BEST3: variants seen among roughly 807,000 people sequenced by gnomAD.
BEST3 encodes the protein bestrophin 3.
BEST3 carries 50 observed loss-of-function variants against 47.1 expected under a neutral mutation model. The ratio of observed to expected loss-of-function variants is 1.06; its 90% CI spans 0.85 to 1.34. The LOEUF (loss-of-function observed/expected upper bound fraction) is 1.34. Among genes scored for constraint, BEST3 ranks in the 40% most tolerant of loss-of-function variants. The pLI, the probability that BEST3 is intolerant of heterozygous loss-of-function variation, is 0.00. For synonymous variants in BEST3, 282 were observed against 298.8 expected (o/e 0.94, Z 0.58); for missense variants, 765 against 817.0 (o/e 0.94, Z 0.78).
At chr12:69,657,158 T>C (rs757506005) in intron 9 of BEST3, among the ~76,000 whole-genome samples, 7 of 151,324 alleles carry the variant, frequency 4.6e-5, no homozygotes, top group Non-Finnish European at 1.0e-4. Context: ...TGTAGTGGTG[T>C]GATCTCGGCT....
chr12:69,650,016 T>A (rs1421834138), downstream of BEST3, among the ~76,000 whole-genome samples: 1 of 152,236 alleles, frequency 6.6e-6, no homozygotes, highest in Non-Finnish European at 1.5e-5. Flanking sequence ...TTGAGTCCAC[T>A]TTCTGAATTA....
intron 7 of BEST3, among the ~76,000 whole-genome samples, chr12:69,676,696 G>A (rs994277870): frequency 4.6e-5 from 7 of 152,180 alleles, no homozygotes; most frequent in Admixed American, 1.3e-4. Flanking sequence ...ATAGCCATAA[G>A]AGTGTTCTTC....
chr12:69,671,632 G>T, intron 8 of BEST3, 53 bp from the exon 9 acceptor site: 1 of 1,581,978 alleles, frequency 6.3e-7, no homozygotes, highest in Non-Finnish European at 8.7e-7. Flanking sequence ...TAAATAAAAA[G>T]GAGAAGTTTT....
chr12:69,694,091 TGTAAG>T, intron 3 of BEST3, 184 bp from the exon 4 acceptor site: 1 of 596,198 alleles, frequency 1.7e-6, no homozygotes, highest in Non-Finnish European at 3.0e-6. Flanking sequence ...CTAAGCACCC[TGTAAG>T]TGGGTATTAG....
At chr12:69,697,919 C>T (rs911796156) in intron 1 of BEST3, 106 bp from the exon 2 acceptor site, 6 of 828,752 alleles carry the variant, frequency 7.2e-6, no homozygotes, top group Non-Finnish European at 1.1e-5. Flanking sequence ...ACTAGTCAGC[C>T]ATATCTCTGT....
At chr12:69,680,458 G>C (rs1046731809) in intron 4 of BEST3, among the ~76,000 whole-genome samples, 1 of 151,816 alleles carries the variant, frequency 6.6e-6, no homozygotes, top group African/African-American at 2.4e-5. Context: ...ACAGGCACCT[G>C]CCACCACGCC....
intron 9 of BEST3, among the ~76,000 whole-genome samples, chr12:69,664,434 C>T (rs946963249): frequency 9.2e-5 from 14 of 152,138 alleles, no homozygotes; most frequent in Admixed American, 8.5e-4. Context: ...GACCTCCCCC[C>T]GCCACCCGGG....
intron 4 of BEST3, chr12:69,684,344 G>C (rs710715): frequency 0.72 from 301,594 of 418,380 alleles, 109,241 homozygotes; most frequent in South Asian, 0.82. Flanking sequence ...TTGAGTTGTG[G>C]TTTGATGGAG....
At chr12:69,685,039 G>C (rs1194216285) in intron 4 of BEST3, among the ~76,000 whole-genome samples, 1 of 90,360 alleles carries the variant, frequency 1.1e-5, no homozygotes, top group East Asian at 3.0e-4. Context: ...CTATTCTATT[G>C]TTCTCCATTC....
chr12:69,671,286 TCCC>T, intron 9 of BEST3, 139 bp downstream of exon 9: 1 of 820,802 alleles, frequency 1.2e-6, no homozygotes, highest in Non-Finnish European at 1.8e-6. Context: ...AACTGCAGCC[TCCC>T]CAAGTAGCTA....
At chr12:69,680,528 C>T (rs1885196856) in intron 4 of BEST3, among the ~76,000 whole-genome samples, 3 of 151,824 alleles carry the variant, frequency 2.0e-5, no homozygotes, top group Admixed American at 2.0e-4. Flanking sequence ...CAGGATGTCT[C>T]AATCTCCTGA....
chr12:69,657,884 T>G (rs1883608279), intron 9 of BEST3, among the ~76,000 whole-genome samples: 1 of 152,224 alleles, frequency 6.6e-6, no homozygotes, highest in African/African-American at 2.4e-5. Context: ...GGCTACCAGA[T>G]AGCCTTCTGA....
intron 9 of BEST3, among the ~76,000 whole-genome samples, chr12:69,664,758 C>A (rs1438169828): frequency 6.7e-6 from 1 of 149,110 alleles, no homozygotes; most frequent in Non-Finnish European, 1.5e-5. Context: ...GAATAAGAAA[C>A]AATGATAAAA....
chr12:69,655,635 C>G lies in BEST3; in HGVS notation c.1279G>C (p.Asp427His), dbSNP rs376032270. The G allele has an allele frequency of 6.2e-7, 1 of 1,613,864 alleles. No individual in the cohort carries two copies. The highest frequency in any genetic ancestry group is 1.3e-5 in the African/African-American group (1 of 74,880). ...TSDSSMFLPR[D>H]DLSPARDLLD... Reference sequence around the variant, plus strand: ...AGGTCCCTGGCTGGGCTGAGGTCATCTCGGGGTAAGAACATGGAGCTGTCA... The same window carrying G: ...AGGTCCCTGGCTGGGCTGAGGTCATGTCGGGGTAAGAACATGGAGCTGTCA... Residue 427 changes from aspartate to histidine, a missense_variant, in exon 10 of 10, where the codon GAT (aspartate) becomes CAT (histidine). Coordinates refer to ENST00000330891, the MANE Select transcript of BEST3 (RefSeq NM_032735.3).
intron 4 of BEST3, among the ~76,000 whole-genome samples, chr12:69,680,245 G>A (rs913326780): frequency 2.0e-5 from 3 of 150,400 alleles, no homozygotes; most frequent in Non-Finnish European, 4.4e-5. Context: ...TTTATTGAAG[G>A]CCTGCTATAT....
At chr12:69,658,996 G>A (rs1280180726) in intron 9 of BEST3, among the ~76,000 whole-genome samples, 3 of 152,092 alleles carry the variant, frequency 2.0e-5, no homozygotes, top group African/African-American at 7.2e-5. Context: ...TGGTGGAAGG[G>A]TACACAAAAA....
In BEST3 at chr12:69,655,808, G is replaced by A. The variant is rs1296370764; in HGVS notation, c.1106C>T (p.Ser369Phe). 10 of 1,605,174 alleles carry A rather than the reference G, an allele frequency of 6.2e-6. No homozygotes were observed. Among genetic ancestry groups the A allele is most frequent in the Non-Finnish European group, 8.5e-6 (10 of 1,174,366 alleles). Reference sequence around the variant, plus strand: ...CTCCTCGTCAGGAAAGTCGGACCCAGACAGCCTGAAACACACAATGACAAG... The same window carrying A: ...CTCCTCGTCAGGAAAGTCGGACCCAAACAGCCTGAAACACACAATGACAAG... The part of the protein sequence containing the change: ...FLGSTVQMGL[S>F]GSDFPDEEWL... Residue 369 changes from serine (S) to phenylalanine (F), a missense_variant, in exon 10 of 10, where the codon TCT (serine) becomes TTT (phenylalanine). Ser to Phe is a radical substitution (Grantham distance 155, BLOSUM62 -2). Transcript: ENST00000330891.
chr12:69,683,873 A>C (rs1386143947), intron 4 of BEST3: 1 of 152,204 alleles, frequency 6.6e-6, no homozygotes, highest in Non-Finnish European at 1.5e-5. Flanking sequence ...AAGTCGGTCA[A>C]CTGAAAGAAA....
At chr12:69,658,338 A>G (rs1033365544) in intron 9 of BEST3, among the ~76,000 whole-genome samples, 1 of 152,198 alleles carries the variant, frequency 6.6e-6, no homozygotes, top group Non-Finnish European at 1.5e-5. Flanking sequence ...TATACCTTCA[A>G]CTGCAGCAAG....
Sources: gnomAD v4.1 joint callset for allele counts (sites outside exome capture counted in the v4.1 genomes callset) on GRCh38, gnomAD v4.1.1 for gene constraint, MANE v1.5 for transcripts, NCBI Gene and HGNC (gene_info 2026-07-23, HGNC 2026-07-21) for gene names.